The following TASP1 variants were observed in gnomAD, a reference collection of about 807,000 sequenced individuals.
The protein encoded by TASP1 is taspase 1.
In TASP1, 16 loss-of-function variants were observed where a neutral mutation model predicts 56.6. The observed-to-expected ratio is 0.28, with a 90% CI of 0.19 to 0.43. The LOEUF is 0.43. TASP1 is among the 20% of genes least tolerant of loss of function. The probability of loss-of-function intolerance (pLI) is 1.00; values close to 1 mark genes in which losing one functional copy is unlikely to be tolerated. For missense variants in TASP1, 393 were observed against 511.6 expected (o/e 0.77, Z 2.24); for synonymous variants, 179 against 184.2 (o/e 0.97, Z 0.23).
At chr20:13,509,076 T>A (rs927868142) in intron 10 of TASP1, among the ~76,000 whole-genome samples, 1 of 151,628 alleles carries the variant, frequency 6.6e-6, no homozygotes, top group East Asian at 1.9e-4. Context: ...AGCCAAGATA[T>A]GGAAACTACC....
At chr20:13,289,691 G>A in the TASP1 span, among the ~76,000 whole-genome samples, 1 of 150,850 alleles carries the variant, frequency 6.6e-6, no homozygotes, top group African/African-American at 2.4e-5. Flanking sequence ...AGGAGGAAGA[G>A]GAGGAGGAAG....
At chr20:13,415,926 G>A (rs576499585) in intron 13 of TASP1, among the ~76,000 whole-genome samples, 5 of 152,284 alleles carry the variant, frequency 3.3e-5, no homozygotes, top group African/African-American at 1.2e-4. Context: ...CTACTGTTAG[G>A]CAAGGATTCT....
chr20:13,568,333 A>C (rs953507759), intron 7 of TASP1, among the ~76,000 whole-genome samples: 6 of 152,086 alleles, frequency 3.9e-5, no homozygotes, highest in Non-Finnish European at 7.4e-5. Context: ...TATTTAACTA[A>C]GTTGGTTTCC....
intron 11 of TASP1, among the ~76,000 whole-genome samples, chr20:13,459,258 C>G (rs1600860388): frequency 6.6e-6 from 1 of 152,130 alleles, no homozygotes; most frequent in Non-Finnish European, 1.5e-5. Flanking sequence ...AACATCACCT[C>G]TTGCGTGAAC....
the TASP1 span, among the ~76,000 whole-genome samples, chr20:13,213,181 A>G: frequency 7.2e-6 from 1 of 138,258 alleles, no homozygotes; most frequent in East Asian, 1.9e-4. Context: ...ACTACTCTTT[A>G]GTTATTAAAA....
chr20:13,634,536 C>A (rs1381363970), intron 1 of TASP1, among the ~76,000 whole-genome samples: 9 of 152,098 alleles, frequency 5.9e-5, no homozygotes, highest in Non-Finnish European at 1.2e-4. Context: ...TTGAGACAAG[C>A]CTGGCCAACA....
At chr20:13,519,418 C>A (rs532211781) in intron 10 of TASP1, among the ~76,000 whole-genome samples, 159 of 152,284 alleles carry the variant, frequency 1.0e-3, no homozygotes, top group Middle Eastern at 3.4e-3. Flanking sequence ...AAAAGCTTAT[C>A]CACCATGATC....
intron 11 of TASP1, among the ~76,000 whole-genome samples, chr20:13,451,485 C>T (rs918916990): frequency 6.6e-6 from 1 of 152,080 alleles, no homozygotes; most frequent in Non-Finnish European, 1.5e-5. Flanking sequence ...CTTGTGGCAG[C>T]TTCTCCATAA....
At chr20:13,282,673 T>C in the TASP1 span, among the ~76,000 whole-genome samples, 3 of 152,202 alleles carry the variant, frequency 2.0e-5, no homozygotes, top group Non-Finnish European at 4.4e-5. Context: ...ATCTTCCCCA[T>C]CATTAGACTG....
At chr20:13,383,063 T>G in the TASP1 span, among the ~76,000 whole-genome samples, 1 of 151,976 alleles carries the variant, frequency 6.6e-6, no homozygotes, top group African/African-American at 2.4e-5. Context: ...TGGGAGGGTG[T>G]GTGGGCTGCT....
At chr20:13,512,735 G>A (rs1166213692) in intron 10 of TASP1, among the ~76,000 whole-genome samples, 1 of 152,154 alleles carries the variant, frequency 6.6e-6, no homozygotes, top group Non-Finnish European at 1.5e-5. Flanking sequence ...ATGGTTTTAG[G>A]TCTAACATTT....
chr20:13,571,006 T>C (rs1201454426), intron 6 of TASP1, among the ~76,000 whole-genome samples: 1 of 152,180 alleles, frequency 6.6e-6, no homozygotes, highest in Non-Finnish European at 1.5e-5. Flanking sequence ...AGCACTCCCA[T>C]TGGTCACTTT....
chr20:13,563,241 A>T (rs1339874521), intron 7 of TASP1, among the ~76,000 whole-genome samples: 1 of 151,954 alleles, frequency 6.6e-6, no homozygotes, highest in Non-Finnish European at 1.5e-5. Flanking sequence ...CATCATGAAG[A>T]AATAGAAAAT....
At chr20:13,243,181 T>C in the TASP1 span, among the ~76,000 whole-genome samples, 7 of 152,190 alleles carry the variant, frequency 4.6e-5, no homozygotes, top group Non-Finnish European at 2.9e-5. Flanking sequence ...GACATAACTT[T>C]GAGTCCCTAC....
At chr20:13,109,054 C>G in the TASP1 span, among the ~76,000 whole-genome samples, 4 of 152,106 alleles carry the variant, frequency 2.6e-5, no homozygotes, top group Non-Finnish European at 5.9e-5. Flanking sequence ...CCATTTTTTT[C>G]TTGCTAGGCT....
the TASP1 span, among the ~76,000 whole-genome samples, chr20:13,355,185 T>C: frequency 1.3e-5 from 2 of 152,178 alleles, no homozygotes; most frequent in Non-Finnish European, 2.9e-5. Context: ...TTTTGAGCAG[T>C]AAGACTTGAG....
In TASP1 at chr20:13,390,405, C is replaced by G; in HGVS notation, c.1218G>C (p.Val406=). The G allele has an allele frequency of 6.2e-7, 1 of 1,614,076 alleles. No individual in the cohort carries two copies. The highest frequency in any genetic ancestry group is 1.3e-5 in the African/African-American group (1 of 75,050). ...GGCGGCACACCCCACCTTCGATTGC[C>G]ACAGACTGTCCTGCCACCGCACCAG... ...LPPGAVAGQS[V]AIEGGVCRLE... is the part of the protein sequence containing the mutation. The change falls in exon 14 of 14, where the codon GTG becomes GTC. Residue 406 remains valine (V), a synonymous_variant. Coordinates refer to ENST00000337743, the MANE Select transcript of TASP1 (RefSeq NM_017714.3).
At chr20:13,177,503 A>G in the TASP1 span, among the ~76,000 whole-genome samples, 1 of 152,056 alleles carries the variant, frequency 6.6e-6, no homozygotes, top group Non-Finnish European at 1.5e-5. Context: ...ACTGCCAGAC[A>G]TCAAAATATA....
the TASP1 span, among the ~76,000 whole-genome samples, chr20:13,135,694 T>C: frequency 6.6e-6 from 1 of 152,234 alleles, no homozygotes; most frequent in Admixed American, 6.5e-5. Context: ...AATACAACAC[T>C]TAACCAGAGA....
Sources: gnomAD v4.1 joint callset for allele counts (sites outside exome capture counted in the v4.1 genomes callset) on GRCh38, gnomAD v4.1.1 for gene constraint, MANE v1.5 for transcripts, NCBI Gene and HGNC (gene_info 2026-07-23, HGNC 2026-07-21) for gene names.